The following CPVL variants were observed in gnomAD, a reference collection of about 807,000 sequenced individuals.
The protein encoded by CPVL is carboxypeptidase vitellogenic like, also known as probable serine carboxypeptidase CPVL.
CPVL carries 51 observed loss-of-function variants against 63.7 expected under a neutral mutation model. The observed-to-expected ratio is 0.80, with a 90% CI of 0.64 to 1.01. CPVL has a LOEUF of 1.01. Among genes scored for constraint, CPVL ranks in the 50% least tolerant of loss-of-function variants. CPVL has a pLI of 0.00. For synonymous variants in CPVL, 195 were observed against 206.0 expected (o/e 0.95, Z 0.46); for missense variants, 530 against 573.1 (o/e 0.92, Z 0.77).
At chr7:29,092,816 C>G in intron 5 of CPVL, 114 bp from the exon 6 acceptor site, 1 of 773,266 alleles carries the variant, frequency 1.3e-6, no homozygotes, top group African/African-American at 1.7e-5. Context: ...GCTCAGACTT[C>G]AGATTTTTGC....
intron 7 of CPVL, chr7:29,080,219 TG>T (rs1784571996): frequency 6.6e-6 from 1 of 152,148 alleles, no homozygotes; most frequent in Non-Finnish European, 1.5e-5. Flanking sequence ...TGTTTGTCTA[TG>T]TAACAAACCT....
intron 12 of CPVL, among the ~76,000 whole-genome samples, chr7:29,026,353 C>T (rs1036820614): frequency 6.6e-6 from 1 of 151,854 alleles, no homozygotes; most frequent in Non-Finnish European, 1.5e-5. Flanking sequence ...TAATAAATAC[C>T]TACATCAAAA....
intron 5 of CPVL, among the ~76,000 whole-genome samples, chr7:29,163,844 A>C (rs1795529358): frequency 6.6e-6 from 1 of 152,248 alleles, no homozygotes; most frequent in African/African-American, 2.4e-5. Context: ...TATGTTATGC[A>C]TATCAATAGT....
intron 4 of CPVL, chr7:29,184,277 A>G (rs189278680): frequency 1.3e-5 from 2 of 150,890 alleles, no homozygotes; most frequent in Admixed American, 1.3e-4. Context: ...GTGGATATAT[A>G]TGATATATAT....
upstream of CPVL, chr7:29,146,544 C>T (rs1165385132): frequency 2.6e-6 from 4 of 1,518,154 alleles, no homozygotes; most frequent in East Asian, 4.9e-5. Flanking sequence ...TCACGAGGAC[C>T]CTGCAGAACT....
At chr7:29,141,204 C>G (rs183149526) in intron 1 of CPVL, among the ~76,000 whole-genome samples, 174 of 152,304 alleles carry the variant, frequency 1.1e-3, no homozygotes, top group African/African-American at 3.7e-3. Flanking sequence ...AGCATACAGT[C>G]AGTAGCATAT....
chr7:29,136,935 C>T (rs765236092), intron 1 of CPVL, among the ~76,000 whole-genome samples: 10 of 152,184 alleles, frequency 6.6e-5, no homozygotes, highest in Non-Finnish European at 1.2e-4. Flanking sequence ...CCAACTGAAT[C>T]TCCTAGATGT....
chr7:29,023,652 C>T (rs1001379803), intron 12 of CPVL, among the ~76,000 whole-genome samples: 1 of 152,146 alleles, frequency 6.6e-6, no homozygotes, highest in African/African-American at 2.4e-5. Context: ...CACCTGGTGT[C>T]CCAATCCATA....
At chr7:29,018,239 T>C (rs1786610538) in intron 12 of CPVL, among the ~76,000 whole-genome samples, 1 of 152,020 alleles carries the variant, frequency 6.6e-6, no homozygotes, top group Admixed American at 6.6e-5. Flanking sequence ...TCAATAAAGA[T>C]ATTTTCAATA....
chr7:29,103,016 C>A (rs536491159), intron 3 of CPVL, among the ~76,000 whole-genome samples: 2 of 152,058 alleles, frequency 1.3e-5, no homozygotes, highest in South Asian at 4.2e-4. Flanking sequence ...GATTGATATA[C>A]CCTCCCTGGA....
chr7:29,023,440 C>G (rs1787201620), intron 12 of CPVL, among the ~76,000 whole-genome samples: 1 of 152,124 alleles, frequency 6.6e-6, no homozygotes, highest in African/African-American at 2.4e-5. Context: ...GACCTGCTCC[C>G]ATGATTCAAT....
intron 1 of CPVL, among the ~76,000 whole-genome samples, chr7:29,142,592 T>A (rs897996309): frequency 6.7e-6 from 1 of 148,630 alleles, no homozygotes; most frequent in Non-Finnish European, 1.5e-5. Flanking sequence ...AGTGGTGCAA[T>A]CTCGGTTCAC....
intron 11 of CPVL, among the ~76,000 whole-genome samples, chr7:29,051,486 T>C (rs896026638): frequency 6.6e-6 from 1 of 151,916 alleles, no homozygotes; most frequent in South Asian, 2.1e-4. Flanking sequence ...CCAACAAATA[T>C]ATGAAAAAAC....
At chr7:29,083,450 G>C (rs1784930572) in intron 7 of CPVL, among the ~76,000 whole-genome samples, 1 of 152,218 alleles carries the variant, frequency 6.6e-6, no homozygotes, top group Non-Finnish European at 1.5e-5. Flanking sequence ...GGGTCCAGCT[G>C]GTGGTTCTAG....
intron 5 of CPVL, 141 bp downstream of exon 5, chr7:29,094,943 A>G (rs575937334): frequency 1.0e-5 from 7 of 678,942 alleles, no homozygotes; most frequent in East Asian, 8.3e-5. Flanking sequence ...CTAAATCTCA[A>G]AATGGTTTTA....
At chr7:29,056,955 T>TC (rs1178391323) in intron 11 of CPVL, among the ~76,000 whole-genome samples, 44 of 146,468 alleles carry the variant, frequency 3.0e-4, no homozygotes, top group African/African-American at 1.0e-3. Context: ...TTTTCTTTTT[T>TC]TTTTTTTTTT....
chr7:29,124,202 A>T (rs1366872692), intron 1 of CPVL, among the ~76,000 whole-genome samples: 3 of 152,128 alleles, frequency 2.0e-5, no homozygotes, highest in Non-Finnish European at 4.4e-5. Context: ...TTATTTATTG[A>T]ACATTTATTG....
intron 12 of CPVL, among the ~76,000 whole-genome samples, chr7:29,027,812 G>C (rs1018174426): frequency 3.3e-5 from 5 of 152,170 alleles, no homozygotes; most frequent in Non-Finnish European, 5.9e-5. Flanking sequence ...ATAAAATGCT[G>C]ATGTAAGAAG....
intron 1 of CPVL, among the ~76,000 whole-genome samples, chr7:29,140,003 G>A (rs546323138): frequency 5.8e-4 from 88 of 152,304 alleles, no homozygotes; most frequent in African/African-American, 2.0e-3. Context: ...ACATGACTCA[G>A]AATGGCTTCA....
Sources: gnomAD v4.1 joint callset for allele counts (sites outside exome capture counted in the v4.1 genomes callset) on GRCh38, gnomAD v4.1.1 for gene constraint, MANE v1.5 for transcripts, NCBI Gene and HGNC (gene_info 2026-07-23, HGNC 2026-07-21) for gene names.